Variants in TMEM132B observed in about 807,000 individuals in gnomAD.
The protein encoded by TMEM132B is transmembrane protein 132B.
TMEM132B carries 18 observed loss-of-function variants against 90.8 expected under a neutral mutation model. The observed-to-expected ratio is 0.20, with a 90% CI of 0.14 to 0.29. The LOEUF is 0.29. Among genes scored for constraint, TMEM132B ranks in the 10% least tolerant of loss-of-function variants. The pLI is 1.00. For synonymous variants in TMEM132B, 504 were observed against 523.3 expected, an observed-to-expected ratio of 0.96 and a Z score of 0.50; for missense variants, 1,096 against 1,326.8, an observed-to-expected ratio of 0.83 and a Z score of 2.70.
At chr12:125,464,159 T>C (rs1881507183) in intron 3 of TMEM132B, among the ~76,000 whole-genome samples, 1 of 152,166 alleles carries the variant, frequency 6.6e-6, no homozygotes, top group Non-Finnish European at 1.5e-5. Context: ...ACCCTAAAAC[T>C]AATGGTAAAT....
At chr12:125,447,326 A>T (rs1881032778) in intron 3 of TMEM132B, among the ~76,000 whole-genome samples, 1 of 152,178 alleles carries the variant, frequency 6.6e-6, no homozygotes, top group African/African-American at 2.4e-5. Flanking sequence ...TTAAATAATT[A>T]AAAAATTCTC....
intron 4 of TMEM132B, among the ~76,000 whole-genome samples, chr12:125,577,623 T>C (rs1884969521): frequency 6.6e-6 from 1 of 151,236 alleles, no homozygotes; most frequent in South Asian, 2.1e-4. Flanking sequence ...ACTCTATTAT[T>C]ATTGTCTTCC....
chr12:125,476,097 G>A (rs1881874396), intron 3 of TMEM132B, among the ~76,000 whole-genome samples: 1 of 152,176 alleles, frequency 6.6e-6, no homozygotes, highest in Admixed American at 6.5e-5. Context: ...AAAATTGGAT[G>A]TATGAGTCTG....
At chr12:125,432,814 G>A (rs1744086327) in intron 3 of TMEM132B, among the ~76,000 whole-genome samples, 1 of 152,042 alleles carries the variant, frequency 6.6e-6, no homozygotes, top group Admixed American at 6.5e-5. Context: ...TTGGTGTGAT[G>A]CTTGGTGCAC....
chr12:125,541,728 C>A (rs1302759260), intron 4 of TMEM132B, among the ~76,000 whole-genome samples: 2 of 151,702 alleles, frequency 1.3e-5, no homozygotes, highest in African/African-American at 4.8e-5. Context: ...CCACCGAGAC[C>A]TGGTGTTTTA....
chr12:125,318,194 AAC>A (rs1876337527), intron 1 of TMEM132B, among the ~76,000 whole-genome samples: 2 of 152,192 alleles, frequency 1.3e-5, no homozygotes, highest in African/African-American at 4.8e-5. Context: ...AAGTAAAAAA[AAC>A]TCACAACATG....
intron 5 of TMEM132B, among the ~76,000 whole-genome samples, chr12:125,636,917 A>G (rs912581356): frequency 2.1e-4 from 32 of 152,322 alleles, no homozygotes; most frequent in East Asian, 1.9e-4. Flanking sequence ...CACTCTCACA[A>G]TAGTCCACAT....
chr12:125,630,916 G>A (rs1270668818), intron 5 of TMEM132B, among the ~76,000 whole-genome samples: 1 of 150,540 alleles, frequency 6.6e-6, no homozygotes, highest in Non-Finnish European at 1.5e-5. Context: ...CAAAAGACAC[G>A]ATCTCATTCT....
intron 3 of TMEM132B, among the ~76,000 whole-genome samples, chr12:125,494,181 C>T (rs1160378760): frequency 2.2e-5 from 3 of 139,120 alleles, no homozygotes; most frequent in Non-Finnish European, 3.1e-5. Flanking sequence ...CCGCGTCCCT[C>T]CTCCCCCTCC....
intron 3 of TMEM132B, among the ~76,000 whole-genome samples, chr12:125,418,052 A>G (rs1880067176): frequency 6.6e-6 from 1 of 152,202 alleles, no homozygotes; most frequent in African/African-American, 2.4e-5. Context: ...GTTGTGCTAC[A>G]GGAGTCCAAA....
intron 3 of TMEM132B, among the ~76,000 whole-genome samples, chr12:125,504,927 A>G (rs1882791796): frequency 6.6e-6 from 1 of 152,080 alleles, no homozygotes; most frequent in South Asian, 2.1e-4. Flanking sequence ...GAGGCCTCAC[A>G]TTCTGTATAC....
At chr12:125,257,736 G>A (rs1874471993) in intron 1 of TMEM132B, among the ~76,000 whole-genome samples, 1 of 152,184 alleles carries the variant, frequency 6.6e-6, no homozygotes. Flanking sequence ...TTAGAGGTGG[G>A]CAGATAGAGA....
At chr12:125,229,140 C>T (rs1873757272) in intron 1 of TMEM132B, among the ~76,000 whole-genome samples, 1 of 152,158 alleles carries the variant, frequency 6.6e-6, no homozygotes, top group Non-Finnish European at 1.5e-5. Context: ...CGCCCACCTC[C>T]GAGTTTCTCG....
intron 2 of TMEM132B, among the ~76,000 whole-genome samples, chr12:125,367,072 A>T (rs1039774959): frequency 1.3e-5 from 2 of 152,048 alleles, no homozygotes; most frequent in Non-Finnish European, 2.9e-5. Context: ...ATTCATTAAG[A>T]GCGTATTTTC....
intron 4 of TMEM132B, among the ~76,000 whole-genome samples, chr12:125,530,757 C>T (rs1005117117): frequency 6.6e-6 from 1 of 152,234 alleles, no homozygotes; most frequent in Non-Finnish European, 1.5e-5. Flanking sequence ...GTCTGTGTCT[C>T]TGTGTCCTCC....
chr12:125,211,068 CA>C (rs11342320), intron 1 of TMEM132B, among the ~76,000 whole-genome samples: 6,121 of 129,534 alleles, frequency 0.047, 192 homozygotes, highest in African/African-American at 0.094. Context: ...GACTCCATCT[CA>C]AAAAAAAAAA....
At chr12:125,272,474 A>G (rs564045601) in intron 1 of TMEM132B, among the ~76,000 whole-genome samples, 1 of 152,102 alleles carries the variant, frequency 6.6e-6, no homozygotes, top group Non-Finnish European at 1.5e-5. Flanking sequence ...TAAGCCTCTG[A>G]TCCCCTGCGC....
intron 1 of TMEM132B, among the ~76,000 whole-genome samples, chr12:125,241,679 G>A (rs966059989): frequency 6.6e-6 from 1 of 152,178 alleles, no homozygotes; most frequent in Non-Finnish European, 1.5e-5. Context: ...TGGCACCTTG[G>A]TTTTGGACTT....
intron 4 of TMEM132B, among the ~76,000 whole-genome samples, chr12:125,529,045 C>G (rs1231562446): frequency 1.3e-5 from 2 of 148,494 alleles, no homozygotes; most frequent in Admixed American, 1.4e-4. Context: ...CCTCCTCCTT[C>G]TTCCTTTTTC....
Sources: gnomAD v4.1 joint callset for allele counts (sites outside exome capture counted in the v4.1 genomes callset) on GRCh38, gnomAD v4.1.1 for gene constraint, MANE v1.5 for transcripts, NCBI Gene and HGNC (gene_info 2026-07-23, HGNC 2026-07-21) for gene names.